Variants in NRXN3 observed in about 807,000 individuals in gnomAD.
NRXN3 encodes neurexin III.
A neutral mutation model predicts 137.6 loss-of-function variants in NRXN3; 32 were observed. That is an observed-to-expected ratio of 0.23 (90% CI 0.18 to 0.31). The LOEUF is 0.31. Ranked by LOEUF, NRXN3 falls within the 10% of genes least tolerant of loss-of-function variation. The pLI, the probability that NRXN3 is intolerant of heterozygous loss-of-function variation, is 1.00. For missense variants in NRXN3, 1,574 were observed against 2,062.5 expected, an observed-to-expected ratio of 0.76 and a Z score of 4.59; for synonymous variants, 798 against 784.5, an observed-to-expected ratio of 1.02 and a Z score of -0.29.
At chr14:78,463,746 C>T (rs1341917132) in intron 4 of NRXN3, among the ~76,000 whole-genome samples, 3 of 139,246 alleles carry the variant, frequency 2.2e-5, no homozygotes, top group African/African-American at 7.9e-5. Context: ...CCACAGAATT[C>T]TCTTCCTGTT....
intron 19 of NRXN3, among the ~76,000 whole-genome samples, chr14:79,775,067 A>G (rs756499553): frequency 2.6e-5 from 4 of 152,236 alleles, no homozygotes; most frequent in Middle Eastern, 3.4e-3. Flanking sequence ...TTACTAGTAA[A>G]GAAGAAATAT....
chr14:78,423,048 G>C (rs917495426), intron 4 of NRXN3, among the ~76,000 whole-genome samples: 1 of 152,168 alleles, frequency 6.6e-6, no homozygotes, highest in Non-Finnish European at 1.5e-5. Flanking sequence ...AGAGTTAGTG[G>C]CTCTAAATTG....
chr14:79,210,355 A>T (rs1277003067), intron 15 of NRXN3, among the ~76,000 whole-genome samples: 1 of 152,204 alleles, frequency 6.6e-6, no homozygotes, highest in Non-Finnish European at 1.5e-5. Context: ...ACTTACAGTA[A>T]CTGGCACGTA....
At chr14:78,931,134 A>AT (rs2099320556) in intron 10 of NRXN3, among the ~76,000 whole-genome samples, 1 of 152,152 alleles carries the variant, frequency 6.6e-6, no homozygotes, top group Non-Finnish European at 1.5e-5. Flanking sequence ...TCACAACATG[A>AT]ATTTTTTTTT....
rs79343788 is a variant in NRXN3 at position 78,470,630 on chromosome 14, A to G, written c.757+172770A>G. Among the ~76,000 whole-genome samples, 532 of 152,288 alleles carry G rather than the reference A, an allele frequency of 3.5e-3. 3 individuals carry two copies. The highest frequency in any genetic ancestry group is 0.012 in the African/African-American group (483 of 41,562). On this transcript the variant is annotated intron_variant, in intron 4 of 20. Coordinates refer to ENST00000335750, the MANE Select transcript of NRXN3 (RefSeq NM_001330195.2). ...CTGACATTAAGATATAAGCTGAGGC[A>G]AAGTGAAGAGAGGAGGAAGAATGAA...
At chr14:79,788,618 A>G (rs1169298190) in intron 19 of NRXN3, among the ~76,000 whole-genome samples, 2 of 152,236 alleles carry the variant, frequency 1.3e-5, no homozygotes, top group South Asian at 2.1e-4. Flanking sequence ...GACTCTCACC[A>G]TAATAGACTG....
intron 4 of NRXN3, among the ~76,000 whole-genome samples, chr14:78,575,654 A>G (rs12436134): frequency 0.033 from 5,091 of 152,342 alleles, 106 homozygotes; most frequent in African/African-American, 0.052. Flanking sequence ...GCGAGTCATA[A>G]GTAATCTACA....
At chr14:79,725,498 T>C (rs891414668) in intron 19 of NRXN3, among the ~76,000 whole-genome samples, 2 of 152,174 alleles carry the variant, frequency 1.3e-5, no homozygotes, top group African/African-American at 4.8e-5. Flanking sequence ...GTGAATTCCA[T>C]TTCTTACTCT....
intron 1 of NRXN3, among the ~76,000 whole-genome samples, chr14:78,219,965 G>T (rs2063676251): frequency 6.6e-6 from 1 of 152,080 alleles, no homozygotes; most frequent in South Asian, 2.1e-4. Context: ...AAGAGAAAAG[G>T]AGAGAGAAGG....
intron 4 of NRXN3, among the ~76,000 whole-genome samples, chr14:78,611,179 G>A (rs998358902): frequency 6.6e-6 from 1 of 152,076 alleles, no homozygotes. Flanking sequence ...ATTTAATATC[G>A]ACTCTGGCAC....
intron 17 of NRXN3, among the ~76,000 whole-genome samples, chr14:79,671,540 AG>A (rs1259418615): frequency 6.6e-6 from 1 of 152,016 alleles, no homozygotes; most frequent in Non-Finnish European, 1.5e-5. Flanking sequence ...TTTACCTTCT[AG>A]TGCCATATCT....
intron 6 of NRXN3, among the ~76,000 whole-genome samples, chr14:78,656,818 C>T (rs527468070): frequency 6.6e-4 from 101 of 152,056 alleles, no homozygotes; most frequent in African/African-American, 2.3e-3. Flanking sequence ...CCAAGGTGGG[C>T]GGATCACGAG....
rs1200618328 is a variant in NRXN3, at chr14:79,720,136, G to A, written c.4014+22199G>A. The stretch of plus-strand genomic sequence containing the variant: ...CTCAGAGTTCCACATGGCTAGGGAG[G>A]CCTCACAATCATGGTGGAAGGCAAA... On this transcript the variant is annotated intron_variant, in intron 19 of 20. Coordinates refer to ENST00000335750, the MANE Select transcript of NRXN3 (RefSeq NM_001330195.2). Among the ~76,000 whole-genome samples the A allele has an allele frequency of 2.6e-5, 4 of 152,188 alleles. No individual in the cohort carries two copies. The South Asian group carries it at 6.2e-4, about 24-fold the overall frequency.
chr14:78,712,931 T>C (rs1036182577), intron 7 of NRXN3, among the ~76,000 whole-genome samples: 5 of 152,216 alleles, frequency 3.3e-5, no homozygotes, highest in Non-Finnish European at 5.9e-5. Context: ...TCAGGTTATA[T>C]ACCCTTCATA....
At chr14:79,711,252 C>T (rs1251991675) in intron 19 of NRXN3, among the ~76,000 whole-genome samples, 2 of 152,098 alleles carry the variant, frequency 1.3e-5, no homozygotes, top group African/African-American at 4.8e-5. Flanking sequence ...GGAAGAATCT[C>T]AGAGATTGAG....
intron 6 of NRXN3, among the ~76,000 whole-genome samples, chr14:78,665,477 A>G (rs1398384322): frequency 6.6e-6 from 1 of 152,126 alleles, no homozygotes; most frequent in Non-Finnish European, 1.5e-5. Context: ...TCATGATTCA[A>G]TTACCTCCCA....
At chr14:78,558,189 C>T (rs1296892373) in intron 4 of NRXN3, among the ~76,000 whole-genome samples, 1 of 152,220 alleles carries the variant, frequency 6.6e-6, no homozygotes, top group Non-Finnish European at 1.5e-5. Context: ...CCAGTTCTTT[C>T]TCTGAGCTTA....
intron 15 of NRXN3, among the ~76,000 whole-genome samples, chr14:79,030,627 C>T (rs2099606280): frequency 4.1e-5 from 4 of 97,146 alleles, no homozygotes; most frequent in African/African-American, 4.3e-5. Context: ...TTGTCTCTTT[C>T]TCTGTGTCTT....
At chr14:79,610,750 C>T (rs571714120) in intron 16 of NRXN3, among the ~76,000 whole-genome samples, 4 of 152,278 alleles carry the variant, frequency 2.6e-5, no homozygotes, top group African/African-American at 9.6e-5. Flanking sequence ...TTCCATGTCA[C>T]CTTCCTTAAG....
Sources: allele counts gnomAD v4.1 joint callset (sites outside exome capture counted in the v4.1 genomes callset), GRCh38; gene constraint gnomAD v4.1.1; transcripts MANE v1.5; gene names NCBI Gene and HGNC (gene_info 2026-07-23, HGNC 2026-07-21).